HPCAL1: variants seen among roughly 807,000 people sequenced by gnomAD.
The protein encoded by HPCAL1 is hippocalcin like 1, also known as hippocalcin-like protein 1.
Under a neutral mutation model 17.1 loss-of-function variants are expected in HPCAL1, and 8 were observed. The observed-to-expected ratio is 0.47, with a 90% CI of 0.27 to 0.84. HPCAL1 has a LOEUF of 0.84. Among genes scored for constraint, HPCAL1 ranks in the 40% least tolerant of loss-of-function variants. HPCAL1 has a pLI of 0.13. For synonymous variants in HPCAL1, 112 were observed against 111.4 expected, an observed-to-expected ratio of 1.01 and a Z score of -0.03; for missense variants, 165 against 271.1, an observed-to-expected ratio of 0.61 and a Z score of 2.75.
chr2:10,334,533 CAGAA>C (rs2125428257), intron 1 of HPCAL1, among the ~76,000 whole-genome samples: 1 of 150,500 alleles, frequency 6.6e-6, no homozygotes, highest in East Asian at 1.9e-4. Flanking sequence ...GAAAAGAAAA[CAGAA>C]AGAAATACTC....
intron 2 of HPCAL1, among the ~76,000 whole-genome samples, chr2:10,411,306 C>G (rs1421190671): frequency 6.6e-6 from 1 of 152,158 alleles, no homozygotes; most frequent in African/African-American, 2.4e-5. Flanking sequence ...TCCACTCAGA[C>G]CTCCTGGGTC....
chr2:10,408,101 G>A (rs749617402), intron 2 of HPCAL1, among the ~76,000 whole-genome samples: 4 of 152,214 alleles, frequency 2.6e-5, no homozygotes, highest in Admixed American at 6.5e-5. Context: ...TCTTCCTGTC[G>A]CAGTAGCAGC....
At chr2:10,385,769 T>G (rs1451011488) in intron 1 of HPCAL1, among the ~76,000 whole-genome samples, 1 of 152,194 alleles carries the variant, frequency 6.6e-6, no homozygotes. Context: ...GACTTATTCC[T>G]TCATCTGCAG....
chr2:10,306,667 G>A (rs1662644163), intron 1 of HPCAL1, among the ~76,000 whole-genome samples: 1 of 152,350 alleles, frequency 6.6e-6, no homozygotes, highest in East Asian at 1.9e-4. Context: ...ATCTAGTGGT[G>A]CAGATTGTAA....
At position 10,395,319 on chromosome 2, in the gene HPCAL1, C is replaced by T. The variant is rs1003576803; in HGVS notation, c.-110-1516C>T. Among the ~76,000 whole-genome samples the T allele has an allele frequency of 1.3e-5, 2 of 152,146 alleles. No individual in the cohort carries two copies. The highest frequency in any genetic ancestry group is 2.9e-5 in the Non-Finnish European group (2 of 68,034). ...TAGAAATTTAACTCTGAGCAAGATA[C>T]ACCCTATTTCCAATCACACGTGATG... On this transcript the variant is annotated intron_variant, in intron 1 of 4. Transcript: ENST00000307845. The surrounding 1 kb of genome is among the most constrained non-coding windows in gnomAD (Gnocchi z 4.4).
intron 1 of HPCAL1, among the ~76,000 whole-genome samples, chr2:10,393,959 G>GAAAAA (rs34916252): frequency 7.7e-6 from 1 of 129,790 alleles, no homozygotes; most frequent in Non-Finnish European, 1.6e-5. Flanking sequence ...TACTAAAAAT[G>GAAAAA]AAAAAAAAAA....
chr2:10,383,453 C>T (rs1426874905), intron 1 of HPCAL1, among the ~76,000 whole-genome samples: 1 of 152,114 alleles, frequency 6.6e-6, no homozygotes, highest in Non-Finnish European at 1.5e-5. Context: ...ACCTCCACCT[C>T]CCAAGTTTAA....
chr2:10,380,292 G>A (rs1667855964), intron 1 of HPCAL1, among the ~76,000 whole-genome samples: 1 of 152,222 alleles, frequency 6.6e-6, no homozygotes, highest in Admixed American at 6.5e-5. Flanking sequence ...CCACATGTAT[G>A]TCCCCTGGGC....
At chr2:10,387,036 G>C (rs925853532) in intron 1 of HPCAL1, among the ~76,000 whole-genome samples, 1 of 152,200 alleles carries the variant, frequency 6.6e-6, no homozygotes, top group Non-Finnish European at 1.5e-5. Flanking sequence ...AGTGCTGGTG[G>C]CTGTGTCGCC....
chr2:10,380,540 C>A (rs548515183), intron 1 of HPCAL1, among the ~76,000 whole-genome samples: 1 of 152,348 alleles, frequency 6.6e-6, no homozygotes, highest in Admixed American at 6.5e-5. Context: ...CCACTGGCCT[C>A]CATGGTGTGT....
chr2:10,321,842 G>C (rs1663688681), intron 1 of HPCAL1, among the ~76,000 whole-genome samples: 1 of 152,172 alleles, frequency 6.6e-6, no homozygotes, highest in Non-Finnish European at 1.5e-5. Context: ...TGTATGGATA[G>C]ACCACATTTT....
chr2:10,320,239 C>A (rs17189084), intron 1 of HPCAL1, among the ~76,000 whole-genome samples: 2,285 of 152,228 alleles, frequency 0.015, 32 homozygotes, highest in Middle Eastern at 0.045. Flanking sequence ...AGGGCCTCCC[C>A]ACGGACATGG....
At chr2:10,368,432 A>AG (rs1237397259) in intron 1 of HPCAL1, among the ~76,000 whole-genome samples, 1 of 152,104 alleles carries the variant, frequency 6.6e-6, no homozygotes. Flanking sequence ...GAGCTCCTTG[A>AG]GGGCAGGGTG....
intron 1 of HPCAL1, among the ~76,000 whole-genome samples, chr2:10,389,305 G>A (rs1668533955): frequency 6.6e-6 from 1 of 152,210 alleles, no homozygotes; most frequent in Non-Finnish European, 1.5e-5. Flanking sequence ...GCTGCTCTGG[G>A]CACACTGCCT....
intron 1 of HPCAL1, among the ~76,000 whole-genome samples, chr2:10,375,644 A>G (rs10198139): frequency 0.55 from 83,223 of 152,154 alleles, 24,016 homozygotes; most frequent in East Asian, 0.79. Flanking sequence ...CAGCTGTGTG[A>G]CCTGGGACAG....
At position 10,426,823 on chromosome 2, in the gene HPCAL1, C is replaced by T. The variant is rs780615572; in HGVS notation, c.*2C>T. On this transcript the variant is annotated 3_prime_UTR_variant, in exon 5 of 5. Coordinates refer to ENST00000307845, the MANE Select transcript of HPCAL1 (RefSeq NM_002149.4). ...CCCAGCAGTGCCAGTCAGTTCTGAG[C>T]GAGCGGCCCCTGGACAGTTGCAGAG... 20 of 1,611,370 alleles carry T rather than the reference C, an allele frequency of 1.2e-5. No homozygotes were observed. The highest frequency in any genetic ancestry group is 7.7e-5 in the South Asian group (7 of 91,060).
Position 10,312,811 on chromosome 2 carries a change from C to T in HPCAL1, c.-111+9634C>T, listed in dbSNP as rs546488677. ...TCATTGTCACCATCGTCACCATCACCGTCATCATCACCATTCATCATCACT... is the reference window on the plus strand; with the variant it reads ...TCATTGTCACCATCGTCACCATCACTGTCATCATCACCATTCATCATCACT... On this transcript the variant is annotated intron_variant, in intron 1 of 4. Coordinates refer to ENST00000307845, the MANE Select transcript of HPCAL1 (RefSeq NM_002149.4). Among the ~76,000 whole-genome samples the T allele has an allele frequency of 6.8e-3, 1,024 of 151,288 alleles. 5 individuals carry two copies. Among genetic ancestry groups the T allele is most frequent in the African/African-American group, 0.023 (965 of 41,202 alleles).
intron 4 of HPCAL1, chr2:10,425,813 GC>G (rs1466042177): frequency 2.6e-5 from 4 of 152,446 alleles, no homozygotes; most frequent in Non-Finnish European, 1.5e-5. Context: ...TGGAGGGGCT[GC>G]CCCAGGACCA....
intron 1 of HPCAL1, among the ~76,000 whole-genome samples, chr2:10,370,680 C>G (rs1667148968): frequency 6.6e-6 from 1 of 152,224 alleles, no homozygotes; most frequent in Non-Finnish European, 1.5e-5. Flanking sequence ...TTTTGCAGGG[C>G]ACAGGAGTCT....
Sources: allele counts gnomAD v4.1 joint callset (sites outside exome capture counted in the v4.1 genomes callset), GRCh38; gene constraint gnomAD v4.1.1; non-coding constraint Gnocchi (gnomAD v3.1); transcripts MANE v1.5; gene names NCBI Gene and HGNC (gene_info 2026-07-23, HGNC 2026-07-21).